The following KIF6 variants were observed in gnomAD, a reference collection of about 807,000 sequenced individuals.
KIF6 encodes kinesin family member 6, also known as kinesin-like protein KIF6.
In KIF6, 106 loss-of-function variants were observed where a neutral mutation model predicts 112.7. That is an observed-to-expected ratio of 0.94 (90% CI 0.80 to 1.11). The LOEUF (loss-of-function observed/expected upper bound fraction) is 1.11, where lower values mean the gene tolerates loss of function less well. Among genes scored for constraint, KIF6 ranks in the 50% least tolerant of loss-of-function variants. The pLI, the probability that KIF6 is intolerant of heterozygous loss-of-function variation, is 0.00. For missense variants in KIF6, 929 were observed against 964.0 expected (o/e 0.96, Z 0.48); for synonymous variants, 339 against 339.9 (o/e 1.00, Z 0.03).
intron 9 of KIF6, among the ~76,000 whole-genome samples, chr6:39,582,106 T>C (rs1781331197): frequency 6.6e-6 from 1 of 152,222 alleles, no homozygotes; most frequent in African/African-American, 2.4e-5. Flanking sequence ...ATTGGCACCC[T>C]TCTCTATTAA....
At chr6:39,429,750 T>C (rs756935321) in intron 14 of KIF6, among the ~76,000 whole-genome samples, 9 of 151,964 alleles carry the variant, frequency 5.9e-5, no homozygotes, top group Non-Finnish European at 1.0e-4. Context: ...CTACTAAAAA[T>C]ACAAAAAATT....
intron 17 of KIF6, among the ~76,000 whole-genome samples, 179 bp downstream of exon 17, chr6:39,362,255 G>A (rs569313455): frequency 2.6e-5 from 4 of 152,232 alleles, no homozygotes; most frequent in African/African-American, 7.2e-5. Flanking sequence ...ACCTCACACT[G>A]CCTGGGGTCC....
intron 3 of KIF6, among the ~76,000 whole-genome samples, chr6:39,671,924 G>A (rs934511625): frequency 1.3e-5 from 2 of 152,194 alleles, no homozygotes; most frequent in Non-Finnish European, 2.9e-5. Flanking sequence ...TCACTGGTGT[G>A]TTTAAATGGT....
rs1331402544 is a variant in KIF6 at position 39,447,911 on chromosome 6, T to C, written c.1646-16750A>G. Among the ~76,000 whole-genome samples the C allele has an allele frequency of 2.0e-5, 3 of 152,200 alleles. No homozygotes were observed. The East Asian group carries it at 5.8e-4, about 29-fold the overall frequency. The stretch of plus-strand genomic sequence containing the variant: ...GGTCAGTTTTCTGTTTTTATTTGAG[T>C]TGGCCTCTCGGTAAATGGTACAGCA... On this transcript the variant is annotated intron_variant, in intron 13 of 22. Coordinates refer to ENST00000287152, the MANE Select transcript of KIF6 (RefSeq NM_145027.6).
rs143962839 is a variant in KIF6, at chr6:39,431,871, G to A, written c.1646-710C>T. Among the ~76,000 whole-genome samples, 258 of 152,116 alleles carry A rather than the reference G, an allele frequency of 1.7e-3. 1 individual carries two copies. The highest frequency in any genetic ancestry group is 6.8e-3 in the Middle Eastern group (2 of 292). On this transcript the variant is annotated intron_variant, in intron 13 of 22. Coordinates refer to ENST00000287152, the MANE Select transcript of KIF6 (RefSeq NM_145027.6). ...CAGGCTCTCCTCCTCACCACCTCCC[G>A]GAGTGAGGGTCAGCGCAGATGTATG... is the stretch of plus-strand genomic sequence containing the variant.
chr6:39,722,973 C>T (rs1431081930), intron 1 of KIF6, among the ~76,000 whole-genome samples: 1 of 152,214 alleles, frequency 6.6e-6, no homozygotes, highest in African/African-American at 2.4e-5. Context: ...CCAAGACTCT[C>T]CATCCACTTC....
At chr6:39,429,752 C>CA (rs1447975921) in intron 14 of KIF6, among the ~76,000 whole-genome samples, 4 of 151,976 alleles carry the variant, frequency 2.6e-5, no homozygotes, top group South Asian at 2.1e-4. Context: ...ACTAAAAATA[C>CA]AAAAAATTAG....
intron 10 of KIF6, among the ~76,000 whole-genome samples, chr6:39,548,475 A>C (rs1779182489): frequency 6.6e-6 from 1 of 152,254 alleles, no homozygotes; most frequent in Non-Finnish European, 1.5e-5. Flanking sequence ...AAGAATGAAG[A>C]TCAGCCTTTT....
At chr6:39,634,094 C>A (rs1234823562) in intron 5 of KIF6, among the ~76,000 whole-genome samples, 1 of 152,046 alleles carries the variant, frequency 6.6e-6, no homozygotes, top group Non-Finnish European at 1.5e-5. Flanking sequence ...GATTTGTAAT[C>A]TTTTTGGGAG....
chr6:39,486,304 A>G (rs1348170188), intron 13 of KIF6, among the ~76,000 whole-genome samples: 1 of 152,212 alleles, frequency 6.6e-6, no homozygotes, highest in African/African-American at 2.4e-5. Flanking sequence ...CAAGTGGAGA[A>G]GCCCTGAGAC....
At chr6:39,491,501 C>T (rs1775481046) in intron 13 of KIF6, among the ~76,000 whole-genome samples, 1 of 152,066 alleles carries the variant, frequency 6.6e-6, no homozygotes, top group Admixed American at 6.5e-5. Context: ...TTATTTTAAA[C>T]GACTATGTTT....
chr6:39,620,295 T>C (rs1380812101), intron 5 of KIF6: 5 of 152,174 alleles, frequency 3.3e-5, no homozygotes. Flanking sequence ...AAGGAAGTTT[T>C]CTCCCATTTT....
intron 13 of KIF6, among the ~76,000 whole-genome samples, chr6:39,510,275 G>A (rs1776695327): frequency 6.6e-6 from 1 of 151,908 alleles, no homozygotes; most frequent in Non-Finnish European, 1.5e-5. Context: ...TGTATTTTTA[G>A]TAGAGATGGG....
intron 5 of KIF6, among the ~76,000 whole-genome samples, chr6:39,619,653 C>T (rs1783708917): frequency 1.3e-5 from 2 of 152,064 alleles, no homozygotes; most frequent in African/African-American, 2.4e-5. Context: ...AAGCTGTTGG[C>T]CACTGCTATG....
intron 5 of KIF6, among the ~76,000 whole-genome samples, chr6:39,630,643 T>C (rs1214416325): frequency 6.6e-6 from 1 of 152,044 alleles, no homozygotes; most frequent in Non-Finnish European, 1.5e-5. Flanking sequence ...GTTGTATTTC[T>C]TTCTTCCCAA....
intron 5 of KIF6, among the ~76,000 whole-genome samples, chr6:39,615,485 C>T (rs1341888789): frequency 6.6e-6 from 1 of 151,368 alleles, no homozygotes; most frequent in Non-Finnish European, 1.5e-5. Flanking sequence ...CACACCCACC[C>T]CCACCCACCC....
rs182996058 is a variant in KIF6 at position 39,428,874 on chromosome 6, T to C, written c.1754+2179A>G. ...TGGGGCATCGGCATTATTCTACCTGTCTACTTCCCCAGTGATGGATACTCA... is the reference window on the plus strand; with the variant it reads ...TGGGGCATCGGCATTATTCTACCTGCCTACTTCCCCAGTGATGGATACTCA... On this transcript the variant is annotated intron_variant, in intron 14 of 22. Coordinates refer to ENST00000287152, the MANE Select transcript of KIF6 (RefSeq NM_145027.6). Among the ~76,000 whole-genome samples the C allele has an allele frequency of 5.6e-3, 852 of 152,346 alleles. 20 individuals are homozygous for C. The highest frequency in any genetic ancestry group is 0.048 in the Admixed American group (736 of 15,304).
chr6:39,434,407 CA>C lies in KIF6; in HGVS notation c.1646-3247del, dbSNP rs5875673. 4.8e-3 allele frequency among the ~76,000 whole-genome samples: 635 copies of C among 131,916 alleles called. 1 individual carries two copies. The highest frequency in any genetic ancestry group is 3.5e-3 in the Admixed American group (45 of 12,994). The allele number at this position is 131,916 out of a possible 152,430, so 86.5% of individuals were successfully genotyped here. ...GGTGAAACCCATTTCTACTAAAATA[CA>C]AAAAAAAAAAAAATTAGCTGGGCAT... On this transcript the variant is annotated intron_variant, in intron 13 of 22. Coordinates refer to ENST00000287152, the MANE Select transcript of KIF6 (RefSeq NM_145027.6).
chr6:39,661,224 T>C (rs1786125251), intron 3 of KIF6, among the ~76,000 whole-genome samples: 1 of 152,210 alleles, frequency 6.6e-6, no homozygotes, highest in Admixed American at 6.5e-5. Context: ...ATTTTTTAAA[T>C]GGTTAGGCTC....
Sources: gnomAD v4.1 joint callset for allele counts (sites outside exome capture counted in the v4.1 genomes callset) on GRCh38, gnomAD v4.1.1 for gene constraint, MANE v1.5 for transcripts, NCBI Gene and HGNC (gene_info 2026-07-23, HGNC 2026-07-21) for gene names.